TMEM80: variants seen among roughly 807,000 people sequenced by gnomAD.
TMEM80 encodes transmembrane protein 80.
In TMEM80, 16 loss-of-function variants were observed where a neutral mutation model predicts 13.6. The observed-to-expected ratio is 1.17, with a 90% CI of 0.79 to 1.78. TMEM80 has a LOEUF of 1.78. Among genes scored for constraint, TMEM80 ranks in the 40% most tolerant of loss-of-function variants. The probability of loss-of-function intolerance (pLI) is 0.00; values close to 1 mark genes in which losing one functional copy is unlikely to be tolerated. For missense variants in TMEM80, 167 were observed against 184.6 expected (o/e 0.90, Z 0.55); for synonymous variants, 92 against 89.5 (o/e 1.03, Z -0.16).
intron 4 of TMEM80, among the ~76,000 whole-genome samples, chr11:701,840 G>A (rs1350161851): frequency 6.6e-6 from 1 of 152,174 alleles, no homozygotes; most frequent in East Asian, 1.9e-4. Context: ...TCAAGGGTAT[G>A]TTCTTGTACA....
chr11:700,248 C>T lies in TMEM80; in HGVS notation c.133+13C>T, dbSNP rs1042267287. ...ATCACGTATAAAAGTAAGTCAGGGA[C>T]GGGCACAGTGGCTCACGCCTGTAAT... is the stretch of plus-strand genomic sequence containing the variant. On this transcript the variant is annotated intron_variant, in intron 3 of 4. Coordinates refer to ENST00000397510, the MANE Select transcript of TMEM80 (RefSeq NM_001042463.3). 37 of 1,607,154 alleles carry T rather than the reference C, an allele frequency of 2.3e-5. No individual in the cohort carries two copies. The highest frequency in any genetic ancestry group is 1.3e-4 in the Admixed American group (8 of 59,990).
chr11:699,058 C>T, intron 2 of TMEM80, 170 bp downstream of exon 2: 1 of 776,046 alleles, frequency 1.3e-6, no homozygotes, highest in Non-Finnish European at 2.2e-6. Context: ...TTCCTCGGAT[C>T]AGTTCTGCTG....
At position 703,332 on chromosome 11, in the gene TMEM80, G is replaced by A. The variant is rs1193420824; in HGVS notation, c.*182G>A. The A allele has an allele frequency of 5.3e-5, 74 of 1,404,278 alleles. No homozygotes were observed. Among genetic ancestry groups the A allele is most frequent in the Non-Finnish European group, 6.9e-5 (74 of 1,080,066 alleles). The allele number at this position is 1,404,278 out of a possible 1,614,324, so 87.0% of individuals were successfully genotyped here. ...AGCAGGAGCCAGGGCAGAACAAACT[G>A]CTGGAGGCCCTGGTGTTGGGAACAG... On this transcript the variant is annotated 3_prime_UTR_variant, in exon 5 of 5. Transcript: ENST00000397510.
intron 4 of TMEM80, chr11:700,989 C>T: frequency 2.0e-6 from 1 of 495,372 alleles, no homozygotes; most frequent in Non-Finnish European, 3.7e-6. Flanking sequence ...ATCAGAAAAG[C>T]CCAGCCCACC....
intron 2 of TMEM80, chr11:699,152 C>G (rs1306283638): frequency 2.0e-6 from 1 of 495,590 alleles, no homozygotes; most frequent in East Asian, 3.1e-5. Context: ...CCACCTGCCT[C>G]TGTCTCGGCC....
At chr11:700,857 A>G (rs1861423650) in intron 4 of TMEM80, 150 bp downstream of exon 4, 2 of 726,424 alleles carry the variant, frequency 2.8e-6, no homozygotes, top group Non-Finnish European at 2.5e-6. Context: ...CTCACCTTAC[A>G]GTGTCATTAA....
chr11:698,135 A>T (rs1861283221), intron 1 of TMEM80: 1 of 152,950 alleles, frequency 6.5e-6, no homozygotes, highest in Admixed American at 6.5e-5. Flanking sequence ...ACATGGAGGG[A>T]CGTGCACATA....
Position 702,927 on chromosome 11 carries a change from C to CG in TMEM80, c.227-18_227-17insG. 1 of 1,596,518 alleles carries CG rather than the reference C, an allele frequency of 6.3e-7. No individual in the cohort carries two copies. Among genetic ancestry groups the CG allele is most frequent in the African/African-American group, 1.3e-5 (1 of 74,760 alleles). On this transcript the variant is annotated splice_polypyrimidine_tract_variant and intron_variant, in intron 4 of 4. Coordinates refer to ENST00000397510, the MANE Select transcript of TMEM80 (RefSeq NM_001042463.3). ...AGCGCCTCGCACCACCTTCCCTCCC[C>CG]TTTGCTCTGTTCTCCAGGCACCAGG...
intron 1 of TMEM80, chr11:698,024 T>G (rs2133454335): frequency 6.6e-6 from 1 of 152,404 alleles, no homozygotes; most frequent in Admixed American, 6.5e-5. Flanking sequence ...GAACAGAGGC[T>G]GTGTTCAGGT....
At chr11:698,840 G>T in intron 1 of TMEM80, 29 bp from the exon 2 acceptor site, 1 of 1,614,108 alleles carries the variant, frequency 6.2e-7, no homozygotes, top group Non-Finnish European at 8.5e-7. Flanking sequence ...TGGCTGTCAG[G>T]CCTTGCTCAC....
intron 4 of TMEM80, chr11:700,996 C>T (rs1861431030): frequency 2.1e-6 from 1 of 484,540 alleles, no homozygotes; most frequent in Non-Finnish European, 3.8e-6. Context: ...AAGCCCAGCC[C>T]ACCACCACAT....
Position 695,854 on chromosome 11 carries a change from C to G in TMEM80, c.19+8C>G, listed in dbSNP as rs7945422. 1 of 1,230,370 alleles carries G rather than the reference C, an allele frequency of 8.1e-7. No individual in the cohort carries two copies. Among genetic ancestry groups the G allele is most frequent in the Non-Finnish European group, 1.0e-6 (1 of 986,750 alleles). The allele number at this position is 1,230,370 out of a possible 1,614,324, so 76.2% of individuals were successfully genotyped here. A position where few individuals can be genotyped will look rare whatever the true frequency, so the allele number is the denominator to read the frequency against. On this transcript the variant is annotated splice_region_variant and intron_variant, in intron 1 of 4. Coordinates refer to ENST00000397510, the MANE Select transcript of TMEM80 (RefSeq NM_001042463.3). Reference sequence around the variant, plus strand: ...TGGCGGCCCCGCGGCGAGGTGAGCTCGGGCGGGGTGGGGGCTTCCGGGCTT... The same window carrying G: ...TGGCGGCCCCGCGGCGAGGTGAGCTGGGGCGGGGTGGGGGCTTCCGGGCTT...
At chr11:702,407 G>A (rs996837920) in intron 4 of TMEM80, among the ~76,000 whole-genome samples, 1 of 152,228 alleles carries the variant, frequency 6.6e-6, no homozygotes, top group Non-Finnish European at 1.5e-5. Flanking sequence ...CCTGCTGGGG[G>A]CTGCTAGGCC....
In TMEM80 at chr11:703,080, C is replaced by T. The variant is rs544020628; in HGVS notation, c.362C>T (p.Ala121Val). 9.0e-5 allele frequency: 145 copies of T among 1,612,680 alleles called. 3 individuals are homozygous for T. In the South Asian group the frequency reaches 1.5e-3, roughly 17 times the overall value. Residue 121 changes from alanine (A) to valine (V), a missense_variant, in exon 5 of 5, where the codon GCC (alanine) becomes GTC (valine). By Grantham distance (64) the Ala-to-Val change is moderately conservative (BLOSUM62 0). Coordinates refer to ENST00000397510, the MANE Select transcript of TMEM80 (RefSeq NM_001042463.3). The part of the protein sequence containing the change: ...LVLWADWALS[A>V]TLLALHGLEA... ...TTGTGGGCGGACTGGGCCCTCAGCG[C>T]CACGCTCCTGGCCCTTCACGGCCTG...
At position 695,853 on chromosome 11, in the gene TMEM80, T is replaced by C. The variant is rs574021993; in HGVS notation, c.19+7T>C. On this transcript the variant is annotated splice_region_variant and intron_variant, in intron 1 of 4. Coordinates refer to ENST00000397510, the MANE Select transcript of TMEM80 (RefSeq NM_001042463.3). ...ATGGCGGCCCCGCGGCGAGGTGAGC[T>C]CGGGCGGGGTGGGGGCTTCCGGGCT... 1.5e-4 allele frequency: 179 copies of C among 1,228,618 alleles called. 1 individual carries two copies. The South Asian group carries it at 6.0e-3, about 41-fold the overall frequency. The allele number at this position is 1,228,618 out of a possible 1,614,324, so 76.1% of individuals were successfully genotyped here.
Position 703,573 on chromosome 11 carries a change from GT to G in TMEM80, c.*425del. On this transcript the variant is annotated 3_prime_UTR_variant, in exon 5 of 5. Coordinates refer to ENST00000397510, the MANE Select transcript of TMEM80 (RefSeq NM_001042463.3). ...TAGTTCCCCAATGGTCCTAATTTGT[GT>G]TCTGAGATCCCAGTTTACTCCGTGG... 8.1e-7 allele frequency: 1 copy of G among 1,233,452 alleles called. No homozygotes were observed. Among genetic ancestry groups the G allele is most frequent in the Non-Finnish European group, 1.0e-6 (1 of 989,076 alleles). The allele number at this position is 1,233,452 out of a possible 1,614,324, so 76.4% of individuals were successfully genotyped here. A position where few individuals can be genotyped will look rare whatever the true frequency, so the allele number is the denominator to read the frequency against.
In TMEM80 at chr11:703,187, C is replaced by G. The variant is rs1564964168; in HGVS notation, c.*37C>G. 2 of 1,566,732 alleles carry G rather than the reference C, an allele frequency of 1.3e-6. No individual in the cohort carries two copies. The highest frequency in any genetic ancestry group is 1.2e-5 in the South Asian group (1 of 86,408). On this transcript the variant is annotated 3_prime_UTR_variant, in exon 5 of 5. Transcript: ENST00000397510. ...CGGGATACCCCACACTGGGGCCCTCCTCCTGGGCCTGACCAGTCCCCCAGC... is the reference window on the plus strand; with the variant it reads ...CGGGATACCCCACACTGGGGCCCTCGTCCTGGGCCTGACCAGTCCCCCAGC...
At chr11:701,599 T>A (rs142116202) in intron 4 of TMEM80, among the ~76,000 whole-genome samples, 1 of 151,658 alleles carries the variant, frequency 6.6e-6, no homozygotes, top group African/African-American at 2.4e-5. Flanking sequence ...TTAGTAGAGA[T>A]GGGGTTTCAC....
Position 703,166 on chromosome 11 carries a change from A to T in TMEM80, c.*16A>T. On this transcript the variant is annotated 3_prime_UTR_variant, in exon 5 of 5. Coordinates refer to ENST00000397510, the MANE Select transcript of TMEM80 (RefSeq NM_001042463.3). ...CACCAGGTAGCTACGGACACCCGGG[A>T]TACCCCACACTGGGGCCCTCCTCCT... The T allele has an allele frequency of 6.3e-7, 1 of 1,592,958 alleles. No individual in the cohort carries two copies. Among genetic ancestry groups the T allele is most frequent in the Non-Finnish European group, 8.6e-7 (1 of 1,165,730 alleles).
Sources: gnomAD v4.1 joint callset for allele counts (sites outside exome capture counted in the v4.1 genomes callset) on GRCh38, gnomAD v4.1.1 for gene constraint, MANE v1.5 for transcripts, NCBI Gene and HGNC (gene_info 2026-07-23, HGNC 2026-07-21) for gene names.